PSIP1: variants seen among roughly 807,000 people sequenced by gnomAD.
PSIP1 encodes PC4 and SRSF1 interacting protein 1, also known as PC4 and SFRS1-interacting protein.
A neutral mutation model predicts 74.7 loss-of-function variants in PSIP1; 19 were observed. The ratio of observed to expected loss-of-function variants is 0.25; its 90% CI spans 0.18 to 0.37. The LOEUF is 0.37. Ranked by LOEUF, PSIP1 falls within the 10% of genes least tolerant of loss-of-function variation. The pLI, the probability that PSIP1 is intolerant of heterozygous loss-of-function variation, is 1.00. For synonymous variants in PSIP1, 222 were observed against 195.3 expected (o/e 1.14, Z -1.14); for missense variants, 601 against 614.3 (o/e 0.98, Z 0.23).
chr9:15,498,533 A>G (rs535726504), intron 3 of PSIP1, among the ~76,000 whole-genome samples: 2 of 152,252 alleles, frequency 1.3e-5, no homozygotes, highest in South Asian at 2.1e-4. Context: ...TTGGGCACGC[A>G]GTCCGACAGG....
intron 14 of PSIP1, 133 bp from the exon 15 acceptor site, chr9:15,466,992 T>G (rs1464517745): frequency 1.5e-6 from 1 of 683,216 alleles, no homozygotes; most frequent in African/African-American, 1.9e-5. Flanking sequence ...TTATTTGAAA[T>G]TACATTGTAA....
chr9:15,471,585 A>G (rs1048656010), intron 10 of PSIP1: 1 of 952,696 alleles, frequency 1.0e-6, no homozygotes, highest in African/African-American at 1.8e-5. Context: ...AATAACTTAA[A>G]TATTTACAGA....
intron 2 of PSIP1, among the ~76,000 whole-genome samples, chr9:15,506,932 A>G (rs1271408022): frequency 6.6e-6 from 1 of 152,194 alleles, no homozygotes; most frequent in Non-Finnish European, 1.5e-5. Flanking sequence ...GCTATTCCAG[A>G]CCGCACCAGC....
In PSIP1 at chr9:15,506,933, C is replaced by T. The variant is rs563957897; in HGVS notation, c.73-296G>A. On this transcript the variant is annotated intron_variant, in intron 2 of 15. Coordinates refer to ENST00000380733, the MANE Select transcript of PSIP1 (RefSeq NM_033222.5). ...ACATATTATTATGTGCTATTCCAGA[C>T]CGCACCAGCAGCAAAATATATGGCA... Among the ~76,000 whole-genome samples the T allele has an allele frequency of 5.3e-5, 8 of 152,312 alleles. No homozygotes were observed. In the South Asian group the frequency reaches 1.7e-3, roughly 32 times the overall value.
chr9:15,502,654 T>C (rs190695009), intron 3 of PSIP1, among the ~76,000 whole-genome samples: 44 of 152,278 alleles, frequency 2.9e-4, no homozygotes, highest in Admixed American at 2.0e-3. Context: ...CCGAATACAT[T>C]TGAAAGGCAA....
intron 10 of PSIP1, chr9:15,470,794 G>T (rs2035790897): frequency 9.9e-7 from 1 of 1,008,342 alleles, no homozygotes; most frequent in Non-Finnish European, 1.2e-6. Flanking sequence ...CATTCTCAGG[G>T]ATATAACTGC....
At chr9:15,499,071 A>G (rs2037212285) in intron 3 of PSIP1, among the ~76,000 whole-genome samples, 2 of 152,250 alleles carry the variant, frequency 1.3e-5, no homozygotes, top group South Asian at 4.1e-4. Flanking sequence ...AGGGATCACC[A>G]AAAACCTCAT....
At chr9:15,478,985 C>T (rs2036219663) in intron 7 of PSIP1, among the ~76,000 whole-genome samples, 1 of 151,998 alleles carries the variant, frequency 6.6e-6, no homozygotes, top group Non-Finnish European at 1.5e-5. Context: ...CAATATTAAA[C>T]TCCAAAATAT....
intron 8 of PSIP1, 96 bp from the exon 9 acceptor site, chr9:15,474,333 AAAAC>A (rs767446885): frequency 3.9e-4 from 408 of 1,050,922 alleles, no homozygotes; most frequent in East Asian, 1.1e-3. Context: ...AGGCAAATCT[AAAAC>A]AAAGTAAAAA....
chr9:15,478,755 C>G (rs1286994639), intron 7 of PSIP1, among the ~76,000 whole-genome samples: 1 of 151,830 alleles, frequency 6.6e-6, no homozygotes, highest in African/African-American at 2.4e-5. Context: ...AAGAGGTAAA[C>G]AGAGTAATCC....
intron 3 of PSIP1, among the ~76,000 whole-genome samples, chr9:15,501,866 T>TATATATATAA (rs1491160431): frequency 2.4e-4 from 33 of 135,674 alleles, no homozygotes; most frequent in East Asian, 2.1e-3. Flanking sequence ...TATATATATA[T>TATATATATAA]AAAACGCACA....
intron 3 of PSIP1, among the ~76,000 whole-genome samples, chr9:15,493,897 A>G (rs547755680): frequency 4.6e-5 from 7 of 152,294 alleles, no homozygotes; most frequent in East Asian, 1.9e-4. Flanking sequence ...GAGCCAAACC[A>G]TATCAGTAGG....
chr9:15,501,840 C>CATATATATATATATAT lies in PSIP1; in HGVS notation c.149+4705_149+4720dup, dbSNP rs112671758. 8.9e-3 allele frequency among the ~76,000 whole-genome samples: 1,112 copies of CATATATATATATATAT among 124,318 alleles called. 31 individuals are homozygous for CATATATATATATATAT. Among genetic ancestry groups the CATATATATATATATAT allele is most frequent in the African/African-American group, 0.035 (943 of 27,316 alleles). 81.6% of individuals were successfully genotyped at this position (124,318 alleles called of 152,430 possible). A position where few individuals can be genotyped will look rare whatever the true frequency, so the allele number is the denominator to read the frequency against. ...TGTTTAAGTCCCTTATATAAAACAG[C>CATATATATATATATAT]ATATATATATATATATATATATATA... On this transcript the variant is annotated intron_variant, in intron 3 of 15. Coordinates refer to ENST00000380733, the MANE Select transcript of PSIP1 (RefSeq NM_033222.5).
intron 14 of PSIP1, chr9:15,468,376 G>T: frequency 1.4e-6 from 1 of 692,802 alleles, no homozygotes; most frequent in Non-Finnish European, 2.7e-6. Context: ...TTTAAAAATT[G>T]TTTATCCAGA....
At chr9:15,473,247 A>T (rs1258826743) in intron 9 of PSIP1, among the ~76,000 whole-genome samples, 1 of 152,188 alleles carries the variant, frequency 6.6e-6, no homozygotes, top group African/African-American at 2.4e-5. Flanking sequence ...CGTCCAAATA[A>T]ATTTACATAC....
intron 3 of PSIP1, among the ~76,000 whole-genome samples, chr9:15,502,848 T>C (rs1401132317): frequency 1.3e-5 from 2 of 152,238 alleles, no homozygotes; most frequent in Non-Finnish European, 2.9e-5. Flanking sequence ...TAGGGCTCAC[T>C]GTCTAATATT....
intron 3 of PSIP1, among the ~76,000 whole-genome samples, chr9:15,500,792 A>G (rs986905746): frequency 2.6e-5 from 4 of 152,236 alleles, no homozygotes; most frequent in African/African-American, 9.6e-5. Context: ...AGGAAAAAAC[A>G]GCAAAATATC....
At chr9:15,487,082 C>T in intron 4 of PSIP1, 151 bp from the exon 5 acceptor site, 1 of 475,694 alleles carries the variant, frequency 2.1e-6, no homozygotes. Flanking sequence ...ACTGAAGCCT[C>T]AATTCCTGGG....
chr9:15,466,723 A>G (rs376224433), intron 15 of PSIP1, 25 bp downstream of exon 15: 4 of 1,548,000 alleles, frequency 2.6e-6, no homozygotes, highest in Middle Eastern at 1.7e-4. Context: ...AAAACACACA[A>G]GACCCATTAA....
Sources: allele counts gnomAD v4.1 joint callset (sites outside exome capture counted in the v4.1 genomes callset), GRCh38; gene constraint gnomAD v4.1.1; transcripts MANE v1.5; gene names NCBI Gene and HGNC (gene_info 2026-07-23, HGNC 2026-07-21).